The following KIAA1614 variants were observed in gnomAD, a reference collection of about 807,000 sequenced individuals.
The protein encoded by KIAA1614 is uncharacterized protein KIAA1614.
Under a neutral mutation model 88.7 loss-of-function variants are expected in KIAA1614, and 76 were observed. The observed-to-expected ratio is 0.86, with a 90% CI of 0.71 to 1.04. KIAA1614 has a LOEUF of 1.04. Among genes scored for constraint, KIAA1614 ranks in the 50% least tolerant of loss-of-function variants. The pLI is 0.00. For missense variants in KIAA1614, 1,553 were observed against 1,582.5 expected, an observed-to-expected ratio of 0.98 and a Z score of 0.32; for synonymous variants, 714 against 675.5, an observed-to-expected ratio of 1.06 and a Z score of -0.88.
Position 180,950,251 on chromosome 1 carries a change from A to G in KIAA1614, c.*4663A>G. 1 of 937,522 alleles carries G rather than the reference A, an allele frequency of 1.1e-6. No individual in the cohort carries two copies. Among genetic ancestry groups the G allele is most frequent in the South Asian group, 1.9e-5 (1 of 52,764 alleles). The allele number at this position is 937,522 out of a possible 1,614,324, so 58.1% of individuals were successfully genotyped here. On this transcript the variant is annotated 3_prime_UTR_variant, in exon 9 of 9. Coordinates refer to ENST00000367588, the MANE Select transcript of KIAA1614 (RefSeq NM_020950.2). Reference sequence around the variant, plus strand: ...GAGCACCTCCTCCCTGTGCCACACAAACAGCACCTCATCAACATGGTCAGC... The same window carrying G: ...GAGCACCTCCTCCCTGTGCCACACAGACAGCACCTCATCAACATGGTCAGC...
At position 180,925,163 on chromosome 1, in the gene KIAA1614, TG is replaced by T. The variant is rs747441981; in HGVS notation, c.1062-3264del. Among the ~76,000 whole-genome samples, 18 of 152,270 alleles carry T rather than the reference TG, an allele frequency of 1.2e-4. No homozygotes were observed. In the East Asian group the frequency reaches 2.9e-3, roughly 24 times the overall value. On this transcript the variant is annotated intron_variant, in intron 3 of 8. Transcript: ENST00000367588. ...GTGTCCTGTCCATGTCCTGCAGACC[TG>T]GGAAGAAGGGACCTGTGCAAGCAAG... is the stretch of plus-strand genomic sequence containing the variant.
chr1:180,921,031 G>C (rs529109367), intron 3 of KIAA1614, among the ~76,000 whole-genome samples: 2 of 152,176 alleles, frequency 1.3e-5, no homozygotes, highest in African/African-American at 4.8e-5. Context: ...TTTCACGCAC[G>C]TCCGTGTGAA....
intron 3 of KIAA1614, among the ~76,000 whole-genome samples, chr1:180,918,729 GC>G (rs1169306109): frequency 2.0e-5 from 3 of 152,220 alleles, no homozygotes; most frequent in African/African-American, 7.2e-5. Context: ...CACGGTTGCT[GC>G]TCCGGTGTAA....
chr1:180,915,519 C>T (rs984714073), intron 1 of KIAA1614, among the ~76,000 whole-genome samples: 8 of 152,142 alleles, frequency 5.3e-5, no homozygotes, highest in African/African-American at 1.2e-4. Context: ...TCATTTTGCC[C>T]GTCTATAAAA....
chr1:180,918,579 A>C (rs983898099), intron 3 of KIAA1614, among the ~76,000 whole-genome samples: 1 of 152,194 alleles, frequency 6.6e-6, no homozygotes, highest in African/African-American at 2.4e-5. Flanking sequence ...TGGCACCTGC[A>C]CAGAGGTTGA....
At position 180,916,691 on chromosome 1, in the gene KIAA1614, C is replaced by T. The variant is rs1303194684; in HGVS notation, c.588C>T (p.Asp196=). The change falls in exon 2 of 9, where the codon GAC becomes GAT. Residue 196 remains aspartate (D), a synonymous_variant. Coordinates refer to ENST00000367588, the MANE Select transcript of KIAA1614 (RefSeq NM_020950.2). ...CAGAAGCCGAATGGACACTTCCTGA[C>T]CATGACAGAGGTCCGCTGCTGGGGC... ...WPPEAEWTLP[D]HDRGPLLGPS... 1.9e-6 allele frequency: 3 copies of T among 1,610,276 alleles called. No individual in the cohort carries two copies. Among genetic ancestry groups the T allele is most frequent in the East Asian group, 2.2e-5 (1 of 44,852 alleles).
intron 4 of KIAA1614, among the ~76,000 whole-genome samples, chr1:180,931,473 A>G (rs1308606793): frequency 6.6e-6 from 1 of 152,238 alleles, no homozygotes; most frequent in South Asian, 2.1e-4. Flanking sequence ...TCTGTGGAGC[A>G]TCACCTTGAG....
In KIAA1614 at chr1:180,917,725, AGT is replaced by A. The variant is rs1653851495; in HGVS notation, c.998-123_998-122del. 51 of 778,162 alleles carry A rather than the reference AGT, an allele frequency of 6.6e-5. 4 individuals carry two copies. In the South Asian group the frequency reaches 7.6e-4, roughly 12 times the overall value. The allele number at this position is 778,162 out of a possible 1,614,324, so 48.2% of individuals were successfully genotyped here. On this transcript the variant is annotated intron_variant, in intron 2 of 8. Transcript: ENST00000367588. ...GGCTCAGCCTCCAATTTTCAGGCAA[AGT>A]GTTAGATTTATCTGGGGAGTAAGTT...
chr1:180,930,433 T>C (rs909598501), intron 4 of KIAA1614, among the ~76,000 whole-genome samples: 2 of 151,580 alleles, frequency 1.3e-5, no homozygotes, highest in African/African-American at 4.8e-5. Flanking sequence ...AAAAAAGGAA[T>C]GGGCATGACT....
rs923599996 is a variant in KIAA1614 at position 180,917,885 on chromosome 1, C to T, written c.1032C>T (p.Gly344=). ...RPVGDVDWAS[G]TSLQDSGQNR... ...TGGGGGATGTGGACTGGGCCTCGGG[C>T]ACCTCCTTGCAGGACTCCGGCCAGA... Residue 344 remains glycine, a synonymous_variant, in exon 3 of 9, where the codon GGC becomes GGT. Coordinates refer to ENST00000367588, the MANE Select transcript of KIAA1614 (RefSeq NM_020950.2). The T allele has an allele frequency of 1.2e-6, 2 of 1,613,850 alleles. No homozygotes were observed. Among genetic ancestry groups the T allele is most frequent in the African/African-American group, 2.7e-5 (2 of 74,898 alleles).
At chr1:180,941,349 A>G in intron 7 of KIAA1614, 64 bp downstream of exon 7, 1 of 1,539,820 alleles carries the variant, frequency 6.5e-7, no homozygotes, top group Non-Finnish European at 8.8e-7. Flanking sequence ...ATCAGAATGA[A>G]AAGTGAAAGG....
In KIAA1614 at chr1:180,913,126, C is replaced by A; in HGVS notation, c.-118C>A. On this transcript the variant is annotated 5_prime_UTR_variant, in exon 1 of 9. Transcript: ENST00000367588. ...CCCCAGTCGGCCGCGCCCCGAGGGGCGAGGCCTGCGGGCCGCACTCCCTCC... is the reference window on the plus strand; with the variant it reads ...CCCCAGTCGGCCGCGCCCCGAGGGGAGAGGCCTGCGGGCCGCACTCCCTCC... 1 of 750,566 alleles carries A rather than the reference C, an allele frequency of 1.3e-6. No individual in the cohort carries two copies. The highest frequency in any genetic ancestry group is 1.8e-6 in the Non-Finnish European group (1 of 547,976). 46.5% of individuals were successfully genotyped at this position (750,566 alleles called of 1,614,324 possible). A position where few individuals can be genotyped will look rare whatever the true frequency, so the allele number is the denominator to read the frequency against.
Position 180,935,952 on chromosome 1 carries a change from T to C in KIAA1614, c.2043T>C (p.Asp681=), listed in dbSNP as rs769912495. The part of the protein sequence containing the change: ...LQAQQHLPRA[D]DVEVENEVKE... ...CCCAGCAACACCTGCCTAGGGCTGA[T>C]GATGTGGAGGTGGAAAATGAGGTGA... The change falls in exon 5 of 9, where the codon GAT becomes GAC. Residue 681 remains aspartate, a synonymous_variant. Coordinates refer to ENST00000367588, the MANE Select transcript of KIAA1614 (RefSeq NM_020950.2). This position sits in a 1 kb window ranked among gnomAD's most constrained non-coding sequence, Gnocchi z 6.1. 1.8e-5 allele frequency: 29 copies of C among 1,613,936 alleles called. No individual in the cohort carries two copies. The highest frequency in any genetic ancestry group is 2.4e-5 in the Non-Finnish European group (28 of 1,179,906).
At chr1:180,942,267 G>A (rs1654485663) in intron 7 of KIAA1614, among the ~76,000 whole-genome samples, 1 of 152,238 alleles carries the variant, frequency 6.6e-6, no homozygotes, top group Non-Finnish European at 1.5e-5. Flanking sequence ...GTGAGTGGGT[G>A]GGACGCGCAG....
At chr1:180,928,712 T>C in intron 4 of KIAA1614, 139 bp downstream of exon 4, 1 of 972,800 alleles carries the variant, frequency 1.0e-6, no homozygotes, top group Non-Finnish European at 1.5e-6. Flanking sequence ...CATATAAGGC[T>C]CTTGCTTTGA....
At chr1:180,928,758 T>C (rs779991483) in intron 4 of KIAA1614, among the ~76,000 whole-genome samples, 185 bp downstream of exon 4, 7 of 152,370 alleles carry the variant, frequency 4.6e-5, no homozygotes, top group East Asian at 1.9e-4. Flanking sequence ...CCTGAGGGCC[T>C]ACAGTCAGGC....
At chr1:180,930,288 G>A (rs1054587631) in intron 4 of KIAA1614, among the ~76,000 whole-genome samples, 26 of 151,980 alleles carry the variant, frequency 1.7e-4, no homozygotes, top group Admixed American at 5.9e-4. Context: ...GCGTGGTGGC[G>A]GGCACCTGTA....
chr1:180,919,939 G>T (rs959273589), intron 3 of KIAA1614, among the ~76,000 whole-genome samples: 1 of 152,128 alleles, frequency 6.6e-6, no homozygotes, highest in Admixed American at 6.5e-5. Context: ...GAGAGAGAAG[G>T]TCTCTTAGTG....
intron 4 of KIAA1614, among the ~76,000 whole-genome samples, chr1:180,934,767 C>G (rs1275545028): frequency 6.6e-6 from 1 of 152,184 alleles, no homozygotes; most frequent in Non-Finnish European, 1.5e-5. Context: ...CACACACACA[C>G]AGACGCCGCA....
Sources: allele counts gnomAD v4.1 joint callset (sites outside exome capture counted in the v4.1 genomes callset), GRCh38; gene constraint gnomAD v4.1.1; non-coding constraint Gnocchi (gnomAD v3.1); transcripts MANE v1.5; gene names NCBI Gene and HGNC (gene_info 2026-07-23, HGNC 2026-07-21).